NYAP2: variants seen among roughly 807,000 people sequenced by gnomAD.
NYAP2 encodes the protein neuronal tyrosine-phosphorylated phosphoinositide-3-kinase adaptor 2.
A neutral mutation model predicts 50.4 loss-of-function variants in NYAP2; 23 were observed. The observed-to-expected ratio is 0.46, with a 90% confidence interval of 0.33 to 0.65. The LOEUF (loss-of-function observed/expected upper bound fraction) is 0.65. Ranked by LOEUF, NYAP2 falls within the 30% of genes least tolerant of loss-of-function variation. The pLI is 0.02. For missense variants in NYAP2, 885 were observed against 861.0 expected (o/e 1.03, Z -0.35); for synonymous variants, 394 against 365.2 (o/e 1.08, Z -0.90).
chr2:225,468,613 A>C (rs996614753), intron 3 of NYAP2, among the ~76,000 whole-genome samples: 3 of 152,220 alleles, frequency 2.0e-5, no homozygotes, highest in African/African-American at 7.2e-5. Context: ...GAAGAAACTT[A>C]GACAATAGAA....
intron 4 of NYAP2, among the ~76,000 whole-genome samples, chr2:225,575,254 G>T (rs1559218859): frequency 6.6e-6 from 1 of 152,050 alleles, no homozygotes; most frequent in Non-Finnish European, 1.5e-5. Flanking sequence ...CTTACAGCTG[G>T]TCTCCTCACT....
At chr2:225,515,469 A>ATGTGTG (rs112169506) in intron 4 of NYAP2, among the ~76,000 whole-genome samples, 57 of 149,644 alleles carry the variant, frequency 3.8e-4, no homozygotes, top group African/African-American at 1.3e-3. Flanking sequence ...ATGAACATTC[A>ATGTGTG]TGTGTGTGTG....
chr2:225,567,232 A>G (rs1451893323), intron 4 of NYAP2, among the ~76,000 whole-genome samples: 1 of 152,152 alleles, frequency 6.6e-6, no homozygotes, highest in Non-Finnish European at 1.5e-5. Context: ...TGGTATTATA[A>G]TCTTATGAGA....
At chr2:225,622,672 C>T (rs546252934) in intron 5 of NYAP2, among the ~76,000 whole-genome samples, 6 of 151,326 alleles carry the variant, frequency 4.0e-5, no homozygotes, top group East Asian at 2.0e-4. Context: ...CTCCACCTCC[C>T]GGGTTCAAGC....
At chr2:225,461,481 T>C (rs982657308) in intron 3 of NYAP2, among the ~76,000 whole-genome samples, 1 of 152,200 alleles carries the variant, frequency 6.6e-6, no homozygotes, top group Non-Finnish European at 1.5e-5. Flanking sequence ...ATGCTTCTGG[T>C]AGTGGAAGAC....
chr2:225,693,386 G>T, the NYAP2 span, among the ~76,000 whole-genome samples: 1 of 152,018 alleles, frequency 6.6e-6, no homozygotes. Flanking sequence ...AGAGGTAAAA[G>T]TGTCTCTGGT....
chr2:225,621,143 G>T (rs1574713582), intron 5 of NYAP2, among the ~76,000 whole-genome samples: 1 of 150,320 alleles, frequency 6.7e-6, no homozygotes, highest in South Asian at 2.1e-4. Context: ...ATCTAGAAGA[G>T]AAGGTGGGCT....
the NYAP2 span, among the ~76,000 whole-genome samples, chr2:225,696,308 TA>T: frequency 2.6e-5 from 4 of 151,888 alleles, no homozygotes; most frequent in African/African-American, 9.7e-5. Context: ...GGATTTAATA[TA>T]AAACAGAGCT....
At chr2:225,402,595 G>T (rs1694880715) in intron 2 of NYAP2, among the ~76,000 whole-genome samples, 1 of 152,032 alleles carries the variant, frequency 6.6e-6, no homozygotes, top group Non-Finnish European at 1.5e-5. Context: ...CACGATTTAT[G>T]CCTATCTTAC....
intron 5 of NYAP2, among the ~76,000 whole-genome samples, chr2:225,596,193 G>T (rs1328971330): frequency 1.3e-5 from 2 of 152,042 alleles, no homozygotes; most frequent in Admixed American, 6.6e-5. Context: ...AACATGTTAA[G>T]ATTTTTCTGT....
chr2:225,632,015 A>G (rs762361951), intron 6 of NYAP2, among the ~76,000 whole-genome samples: 6 of 152,140 alleles, frequency 3.9e-5, no homozygotes, highest in Non-Finnish European at 7.3e-5. Flanking sequence ...ACGGGGTTTC[A>G]TCGCATTGAT....
At chr2:225,529,544 C>T (rs1278430842) in intron 4 of NYAP2, among the ~76,000 whole-genome samples, 2 of 151,968 alleles carry the variant, frequency 1.3e-5, no homozygotes, top group African/African-American at 4.8e-5. Flanking sequence ...AGGGTAGTCT[C>T]AAACTCCTGG....
At chr2:225,472,500 C>A (rs930061833) in intron 3 of NYAP2, among the ~76,000 whole-genome samples, 1 of 152,044 alleles carries the variant, frequency 6.6e-6, no homozygotes, top group East Asian at 1.9e-4. Flanking sequence ...AAGAGTCCTT[C>A]AAAATTAAAC....
chr2:225,449,454 G>T (rs564679453), intron 3 of NYAP2, among the ~76,000 whole-genome samples: 103 of 152,210 alleles, frequency 6.8e-4, no homozygotes, highest in African/African-American at 2.4e-3. Flanking sequence ...TGCAAAAACC[G>T]CAGTGAAGAG....
At chr2:225,661,913 AG>A in the NYAP2 span, among the ~76,000 whole-genome samples, 43 of 151,980 alleles carry the variant, frequency 2.8e-4, no homozygotes, top group Non-Finnish European at 5.0e-4. Flanking sequence ...TAATACACAC[AG>A]GGTTTCACCA....
the NYAP2 span, chr2:225,700,099 A>G: frequency 6.6e-6 from 1 of 151,924 alleles, no homozygotes; most frequent in East Asian, 1.9e-4. Context: ...AACAGGAGTT[A>G]GAGAATCTTT....
chr2:225,449,669 C>T (rs1013109318), intron 3 of NYAP2, among the ~76,000 whole-genome samples: 2 of 138,980 alleles, frequency 1.4e-5, no homozygotes, highest in Non-Finnish European at 3.0e-5. Context: ...AGTGCAGAGG[C>T]ACAATCTCAG....
chr2:225,415,658 A>G (rs1037121834), intron 3 of NYAP2, among the ~76,000 whole-genome samples: 1 of 152,098 alleles, frequency 6.6e-6, no homozygotes, highest in Non-Finnish European at 1.5e-5. Flanking sequence ...ATATTATTAG[A>G]TTTGTTTTAA....
intron 3 of NYAP2, among the ~76,000 whole-genome samples, chr2:225,432,275 C>T (rs921970023): frequency 1.3e-5 from 2 of 150,394 alleles, no homozygotes; most frequent in Non-Finnish European, 2.9e-5. Flanking sequence ...GGATTACAGG[C>T]GTGAGCCACC....
Sources: gnomAD v4.1 joint callset for allele counts (sites outside exome capture counted in the v4.1 genomes callset) on GRCh38, gnomAD v4.1.1 for gene constraint, MANE v1.5 for transcripts, NCBI Gene and HGNC (gene_info 2026-07-23, HGNC 2026-07-21) for gene names.